Variants in SLIT3 observed in about 807,000 individuals in gnomAD.
The protein encoded by SLIT3 is slit guidance ligand 3, also known as slit homolog 3 protein.
SLIT3 carries 68 observed loss-of-function variants against 184.0 expected under a neutral mutation model. The ratio of observed to expected loss-of-function variants is 0.37; its 90% CI spans 0.30 to 0.45. The LOEUF (loss-of-function observed/expected upper bound fraction) is 0.45, where lower values mean the gene tolerates loss of function less well. SLIT3 is among the 20% of genes least tolerant of loss of function. The probability of loss-of-function intolerance (pLI) is 1.00; values close to 1 mark genes in which losing one functional copy is unlikely to be tolerated. For missense variants in SLIT3, 1,707 were observed against 2,026.0 expected (o/e 0.84, Z 3.02); for synonymous variants, 831 against 828.6 (o/e 1.00, Z -0.05).
intron 1 of SLIT3, among the ~76,000 whole-genome samples, chr5:169,282,881 C>A (rs997682168): frequency 5.3e-5 from 8 of 152,310 alleles, no homozygotes; most frequent in Admixed American, 2.0e-4. Flanking sequence ...ATCAGAAACA[C>A]CTGCAAGGTT....
chr5:168,740,505 AC>A (rs1193546769), intron 20 of SLIT3, among the ~76,000 whole-genome samples: 3 of 152,150 alleles, frequency 2.0e-5, no homozygotes, highest in Non-Finnish European at 4.4e-5. Flanking sequence ...AACTAATGAG[AC>A]CCAAGGGAGC....
chr5:169,179,333 G>A (rs1314518153), intron 4 of SLIT3, among the ~76,000 whole-genome samples: 1 of 137,840 alleles, frequency 7.3e-6, no homozygotes, highest in African/African-American at 2.7e-5. Flanking sequence ...GTCTCCACAG[G>A]TTATTTTTGT....
At chr5:169,124,931 AC>A (rs545318168) in intron 4 of SLIT3, among the ~76,000 whole-genome samples, 166 of 152,220 alleles carry the variant, frequency 1.1e-3, no homozygotes, top group African/African-American at 3.7e-3. Flanking sequence ...CATTCTCTTG[AC>A]CTATTACACA....
intron 6 of SLIT3, among the ~76,000 whole-genome samples, chr5:168,832,603 G>C (rs1185227086): frequency 1.3e-5 from 2 of 152,194 alleles, no homozygotes; most frequent in Non-Finnish European, 2.9e-5. Flanking sequence ...ACGGGAGTGA[G>C]GCTTGTCATA....
intron 15 of SLIT3, among the ~76,000 whole-genome samples, chr5:168,761,186 G>A (rs942298644): frequency 6.6e-6 from 1 of 152,120 alleles, no homozygotes; most frequent in African/African-American, 2.4e-5. Context: ...TGAGTATTCC[G>A]CGTGGGCATG....
At chr5:169,196,343 C>T (rs530889725) in intron 3 of SLIT3, among the ~76,000 whole-genome samples, 7 of 152,288 alleles carry the variant, frequency 4.6e-5, no homozygotes, top group African/African-American at 1.7e-4. Flanking sequence ...TGTGCTCTTG[C>T]TGTGGGATCT....
chr5:169,225,556 G>A (rs1764776046), intron 3 of SLIT3, among the ~76,000 whole-genome samples: 1 of 152,182 alleles, frequency 6.6e-6, no homozygotes, highest in South Asian at 2.1e-4. Context: ...ATAGTCTAAG[G>A]AGAGAGAGAG....
At chr5:169,080,439 C>G (rs977632195) in intron 4 of SLIT3, among the ~76,000 whole-genome samples, 98 of 152,146 alleles carry the variant, frequency 6.4e-4, no homozygotes, top group African/African-American at 2.2e-3. Flanking sequence ...TCCTCCACGG[C>G]CAAGGCAAGG....
At position 168,844,670 on chromosome 5, in the gene SLIT3, G is replaced by A. The variant is rs776114883; in HGVS notation, c.486-15C>T. 1.2e-6 allele frequency: 2 copies of A among 1,613,938 alleles called. No homozygotes were observed. Among genetic ancestry groups the A allele is most frequent in the Non-Finnish European group, 1.7e-6 (2 of 1,179,914 alleles). On this transcript the variant is annotated splice_polypyrimidine_tract_variant and intron_variant, in intron 5 of 35. Coordinates refer to ENST00000519560, the MANE Select transcript of SLIT3 (RefSeq NM_003062.4). The stretch of plus-strand genomic sequence containing the variant: ...TGTCCAGTTGCCTGTGGAAAAGCAG[G>A]GGAGAGCATGAAGGCTGAGCGGGGG...
At chr5:168,764,244 A>G (rs1358085462) in intron 14 of SLIT3, among the ~76,000 whole-genome samples, 1 of 152,236 alleles carries the variant, frequency 6.6e-6, no homozygotes. Context: ...GAATGTAGCT[A>G]GCAGTAACAG....
At chr5:168,883,229 CCA>C (rs1561985389) in intron 5 of SLIT3, 34 bp downstream of exon 5, 1 of 1,576,962 alleles carries the variant, frequency 6.3e-7, no homozygotes, top group Non-Finnish European at 8.7e-7. Flanking sequence ...CCCAAGTTAG[CCA>C]CATACGTAGT....
chr5:168,723,420 T>C (rs1763009072), intron 21 of SLIT3, among the ~76,000 whole-genome samples: 1 of 152,060 alleles, frequency 6.6e-6, no homozygotes, highest in Non-Finnish European at 1.5e-5. Flanking sequence ...TTCAAACACT[T>C]ATTCAATCAT....
rs375914698 is a variant in SLIT3 at position 169,290,113 on chromosome 5, G to A, written c.197+10400C>T. On this transcript the variant is annotated intron_variant, in intron 1 of 35. Coordinates refer to ENST00000519560, the MANE Select transcript of SLIT3 (RefSeq NM_003062.4). ...AGGGCATACGCCAGGGCACACACTC[G>A]GGGATGCACTAGGGCATACGCCAGG... 9.9e-5 allele frequency among the ~76,000 whole-genome samples: 15 copies of A among 151,740 alleles called. 1 individual carries two copies. Among genetic ancestry groups the A allele is most frequent in the East Asian group, 3.9e-4 (2 of 5,106 alleles).
intron 4 of SLIT3, among the ~76,000 whole-genome samples, chr5:168,963,278 T>C (rs576466893): frequency 6.6e-6 from 1 of 152,294 alleles, no homozygotes; most frequent in African/African-American, 2.4e-5. Context: ...TTCAAGCAAT[T>C]CTCCTGCCTC....
chr5:168,817,951 G>A (rs1445029490), intron 7 of SLIT3, among the ~76,000 whole-genome samples: 9 of 151,872 alleles, frequency 5.9e-5, no homozygotes, highest in African/African-American at 1.7e-4. Flanking sequence ...TCGTTCCCCC[G>A]CTAAGTGTCC....
chr5:168,778,791 G>T (rs926793579), intron 12 of SLIT3, among the ~76,000 whole-genome samples: 1 of 152,212 alleles, frequency 6.6e-6, no homozygotes, highest in Admixed American at 6.5e-5. Flanking sequence ...GCTGCCTGGC[G>T]CTCAAACTGA....
At chr5:168,756,469 G>C (rs533577428) in intron 16 of SLIT3, among the ~76,000 whole-genome samples, 1 of 152,158 alleles carries the variant, frequency 6.6e-6, no homozygotes, top group Non-Finnish European at 1.5e-5. Context: ...GCATGACCTC[G>C]TTCTCCTTCT....
intron 4 of SLIT3, among the ~76,000 whole-genome samples, chr5:169,017,017 G>C (rs1006033891): frequency 3.9e-5 from 6 of 152,166 alleles, no homozygotes; most frequent in Admixed American, 6.5e-5. Context: ...ATACTGTGCT[G>C]TTCCTTGTGA....
chr5:169,073,278 C>A (rs1758619270), intron 4 of SLIT3, among the ~76,000 whole-genome samples: 1 of 152,140 alleles, frequency 6.6e-6, no homozygotes, highest in African/African-American at 2.4e-5. Context: ...AATCCTTAGC[C>A]CCGCAGGATG....
Sources: gnomAD v4.1 joint callset for allele counts (sites outside exome capture counted in the v4.1 genomes callset) on GRCh38, gnomAD v4.1.1 for gene constraint, MANE v1.5 for transcripts, NCBI Gene and HGNC (gene_info 2026-07-23, HGNC 2026-07-21) for gene names.